Variants in STK3 observed in about 807,000 individuals in gnomAD.
STK3 encodes the protein serine/threonine-protein kinase 3.
In STK3, 41 loss-of-function variants were observed where a neutral mutation model predicts 58.0. The ratio of observed to expected loss-of-function variants is 0.71; its 90% confidence interval spans 0.55 to 0.92. The LOEUF (loss-of-function observed/expected upper bound fraction) is 0.92. Ranked by LOEUF, STK3 falls within the 40% of genes least tolerant of loss-of-function variation. The pLI is 0.00. For synonymous variants in STK3, 170 were observed against 191.0 expected (o/e 0.89, Z 0.91); for missense variants, 479 against 602.7 (o/e 0.79, Z 2.15).
At chr8:98,923,855 G>GTT (rs1491518228) in intron 1 of STK3, among the ~76,000 whole-genome samples, 5 of 61,704 alleles carry the variant, frequency 8.1e-5, no homozygotes, top group Middle Eastern at 6.8e-3. Context: ...GTGTGTGTGT[G>GTT]CGCGCGCGCG....
At chr8:98,397,613 C>T (rs1817907297), downstream of STK3, among the ~76,000 whole-genome samples, 2 of 152,074 alleles carry the variant, frequency 1.3e-5, no homozygotes, top group African/African-American at 4.8e-5. Context: ...TGCTGATGTC[C>T]AGCCTCAGAA....
chr8:98,921,808 C>T (rs1300646230), intron 1 of STK3, among the ~76,000 whole-genome samples: 1 of 152,188 alleles, frequency 6.6e-6, no homozygotes, highest in African/African-American at 2.4e-5. Context: ...TCTCCTGCCT[C>T]AGCCTCCCAA....
At chr8:98,478,039 C>T (rs1384913889) in intron 10 of STK3, among the ~76,000 whole-genome samples, 3 of 152,088 alleles carry the variant, frequency 2.0e-5, no homozygotes, top group Admixed American at 6.6e-5. Flanking sequence ...GAGGAAAGAA[C>T]CTGAATTCAG....
chr8:98,366,468 T>C (rs1246051896), downstream of STK3, among the ~76,000 whole-genome samples: 3 of 152,252 alleles, frequency 2.0e-5, no homozygotes, highest in Non-Finnish European at 2.9e-5. Flanking sequence ...CTCCATACCA[T>C]AAAAACATTC....
At chr8:98,715,768 C>A (rs1184844410) in intron 4 of STK3, among the ~76,000 whole-genome samples, 1 of 152,140 alleles carries the variant, frequency 6.6e-6, no homozygotes. Flanking sequence ...TTGACCCAGC[C>A]ATCCCATTAC....
At chr8:98,447,071 A>G (rs935003980) in intron 1 of STK3, among the ~76,000 whole-genome samples, 13 of 152,146 alleles carry the variant, frequency 8.5e-5, no homozygotes, top group Non-Finnish European at 1.5e-5. Flanking sequence ...CGAACAACAC[A>G]CACTGGCGCC....
At chr8:98,547,422 A>T (rs1810792217) in intron 9 of STK3, among the ~76,000 whole-genome samples, 1 of 152,220 alleles carries the variant, frequency 6.6e-6, no homozygotes, top group Non-Finnish European at 1.5e-5. Context: ...CATTTTAGCC[A>T]CTGCAGCACC....
intron 1 of STK3, among the ~76,000 whole-genome samples, chr8:98,919,874 C>T (rs1452648551): frequency 6.6e-6 from 1 of 152,140 alleles, no homozygotes; most frequent in African/African-American, 2.4e-5. Context: ...AGTCAAAGGA[C>T]TGCATGGGGA....
intron 6 of STK3, among the ~76,000 whole-genome samples, chr8:98,662,991 A>T (rs1822076053): frequency 6.6e-6 from 1 of 152,194 alleles, no homozygotes; most frequent in Admixed American, 6.5e-5. Context: ...CGTCTAAAAC[A>T]CCAAAAGCAA....
intron 1 of STK3, among the ~76,000 whole-genome samples, chr8:98,380,109 G>A (rs1194052077): frequency 6.6e-6 from 1 of 152,158 alleles, no homozygotes; most frequent in Non-Finnish European, 1.5e-5. Flanking sequence ...AATTCATAGA[G>A]TCAAAAAATG....
At chr8:98,542,232 T>C (rs1810334993) in intron 9 of STK3, among the ~76,000 whole-genome samples, 1 of 150,122 alleles carries the variant, frequency 6.7e-6, no homozygotes, top group African/African-American at 2.4e-5. Flanking sequence ...TAAAATAAAA[T>C]GTAAATGTAC....
chr8:98,720,069 C>T (rs1452214474), intron 4 of STK3, among the ~76,000 whole-genome samples: 1 of 152,136 alleles, frequency 6.6e-6, no homozygotes, highest in Admixed American at 6.6e-5. Context: ...AGTATTAAGG[C>T]TTATAAGCAG....
At chr8:98,719,943 T>C (rs1333480590) in intron 4 of STK3, among the ~76,000 whole-genome samples, 2 of 152,224 alleles carry the variant, frequency 1.3e-5, no homozygotes, top group East Asian at 1.9e-4. Context: ...CTTCAGAGAG[T>C]CAATGTCTTC....
intron 10 of STK3, among the ~76,000 whole-genome samples, chr8:98,503,605 T>C (rs1823803742): frequency 6.6e-6 from 1 of 152,238 alleles, no homozygotes; most frequent in African/African-American, 2.4e-5. Flanking sequence ...CGTTGTGTCT[T>C]TGTTCTCATT....
chr8:98,479,697 A>C (rs917275107), intron 10 of STK3, among the ~76,000 whole-genome samples: 1 of 152,212 alleles, frequency 6.6e-6, no homozygotes, highest in South Asian at 2.1e-4. Context: ...GATGTAATCC[A>C]AAATTACTTG....
chr8:98,921,715 A>G (rs1839571073), intron 1 of STK3, among the ~76,000 whole-genome samples: 1 of 151,360 alleles, frequency 6.6e-6, no homozygotes, highest in Non-Finnish European at 1.5e-5. Flanking sequence ...GTTTTTTGAG[A>G]CAGTCTCACT....
intron 1 of STK3, among the ~76,000 whole-genome samples, chr8:98,936,302 A>G (rs1360488503): frequency 1.3e-5 from 2 of 152,124 alleles, no homozygotes; most frequent in Non-Finnish European, 2.9e-5. Flanking sequence ...GACTTGCCCA[A>G]CATAATAGAG....
At chr8:98,856,253 G>A (rs955443382) in intron 3 of STK3, among the ~76,000 whole-genome samples, 3 of 149,948 alleles carry the variant, frequency 2.0e-5, no homozygotes, top group African/African-American at 7.4e-5. Flanking sequence ...GGAGGTGGAG[G>A]TTGCTGTGAG....
chr8:98,643,417 T>C (rs1820172227), intron 6 of STK3, among the ~76,000 whole-genome samples: 1 of 152,156 alleles, frequency 6.6e-6, no homozygotes, highest in Non-Finnish European at 1.5e-5. Context: ...TTGTACTGTC[T>C]GTTCCCTCCA....
Sources: gnomAD v4.1 joint callset for allele counts (sites outside exome capture counted in the v4.1 genomes callset) on GRCh38, gnomAD v4.1.1 for gene constraint, MANE v1.5 for transcripts, NCBI Gene and HGNC (gene_info 2026-07-23, HGNC 2026-07-21) for gene names.